The following NHLRC2 variants were observed in gnomAD, a reference collection of about 807,000 sequenced individuals.
The protein encoded by NHLRC2 is NHL repeat-containing protein 2.
NHLRC2 carries 33 observed loss-of-function variants against 68.1 expected under a neutral mutation model. The observed-to-expected ratio is 0.48, with a 90% confidence interval of 0.37 to 0.65. NHLRC2 has a LOEUF of 0.65. Among genes scored for constraint, NHLRC2 ranks in the 30% least tolerant of loss-of-function variants. NHLRC2 has a pLI of 0.00. For synonymous variants in NHLRC2, 311 were observed against 309.6 expected, an observed-to-expected ratio of 1.00 and a Z score of -0.05; for missense variants, 761 against 853.8, an observed-to-expected ratio of 0.89 and a Z score of 1.35.
rs78571661 is a variant in NHLRC2, at chr10:113,875,912, CTT to C, written c.332-595_332-594del. Among the ~76,000 whole-genome samples, 714 of 132,668 alleles carry C rather than the reference CTT, an allele frequency of 5.4e-3. 6 individuals carry two copies. The highest frequency in any genetic ancestry group is 0.018 in the African/African-American group (677 of 36,952). 87.0% of individuals were successfully genotyped at this position (132,668 alleles called of 152,430 possible). On this transcript the variant is annotated intron_variant, in intron 2 of 10. Coordinates refer to ENST00000369301, the MANE Select transcript of NHLRC2 (RefSeq NM_198514.4). ...TTTTTTCACTGAATCCAGCCAAACA[CTT>C]TTTTTTTTTTTTTGGTACTAATTTC...
intron 5 of NHLRC2, among the ~76,000 whole-genome samples, chr10:113,888,218 G>C (rs1405141903): frequency 6.6e-6 from 1 of 152,168 alleles, no homozygotes; most frequent in East Asian, 1.9e-4. Context: ...TTCAATTGGA[G>C]GAATAAGTTT....
At chr10:113,865,618 T>C (rs2134693720) in intron 2 of NHLRC2, among the ~76,000 whole-genome samples, 1 of 150,790 alleles carries the variant, frequency 6.6e-6, no homozygotes, top group African/African-American at 2.4e-5. Context: ...TTTTTTAGTT[T>C]AAGTTCTGGG....
At position 113,915,950 on chromosome 10, in the gene NHLRC2, A is replaced by G. The variant is rs1358673633; in HGVS notation, c.*7414A>G. 5.3e-5 allele frequency: 8 copies of G among 152,248 alleles called. No individual in the cohort carries two copies. Among genetic ancestry groups the G allele is most frequent in the African/African-American group, 1.9e-4 (8 of 41,440 alleles). 9.4% of individuals were successfully genotyped at this position (152,248 alleles called of 1,614,324 possible). A position where few individuals can be genotyped will look rare whatever the true frequency, so the allele number is the denominator to read the frequency against. ...TGGCCTGTTATTCCTTCTTTATCTA[A>G]TGTGTGCTAAGCTTGTGAAAAATAT... is the stretch of plus-strand genomic sequence containing the variant. On this transcript the variant is annotated 3_prime_UTR_variant, in exon 11 of 11. Transcript: ENST00000369301.
chr10:113,876,975 A>C lies in NHLRC2; in HGVS notation c.786A>C (p.Gly262=). 6.4e-7 allele frequency: 1 copy of C among 1,552,638 alleles called. No individual in the cohort carries two copies. The highest frequency in any genetic ancestry group is 8.7e-7 in the Non-Finnish European group (1 of 1,150,088). ...ATGGACAAATTCAATATAGCATTGG[A>C]GGTAAAACTTGCTTCTGATTACGAT... ...WKNGQIQYSI[G]GPNPGRKDGI... The change falls in exon 3 of 11, where the codon GGA becomes GGC. Residue 262 remains glycine (G), a splice_region_variant and synonymous_variant. Transcript: ENST00000369301.
At chr10:113,857,679 T>G (rs1845772631) in intron 1 of NHLRC2, among the ~76,000 whole-genome samples, 1 of 152,166 alleles carries the variant, frequency 6.6e-6, no homozygotes, top group Non-Finnish European at 1.5e-5. Context: ...TGTACTTTAT[T>G]ATTAGTTAAC....
chr10:113,884,717 A>T (rs945478982), intron 5 of NHLRC2, among the ~76,000 whole-genome samples: 13 of 151,480 alleles, frequency 8.6e-5, no homozygotes, highest in Non-Finnish European at 5.9e-5. Flanking sequence ...AAGGTTATTC[A>T]TGAACAGTAA....
intron 6 of NHLRC2, among the ~76,000 whole-genome samples, chr10:113,901,445 A>G (rs151198490): frequency 3.9e-5 from 6 of 152,290 alleles, no homozygotes; most frequent in Non-Finnish European, 8.8e-5. Flanking sequence ...GTGTGTATCA[A>G]AGTAAAGTAA....
intron 2 of NHLRC2, among the ~76,000 whole-genome samples, chr10:113,866,072 C>T (rs1025554554): frequency 8.5e-5 from 13 of 152,176 alleles, no homozygotes; most frequent in Non-Finnish European, 1.6e-4. Context: ...TTTATTAATT[C>T]AAAACCTTGA....
At chr10:113,864,301 A>G (rs1426920135) in intron 2 of NHLRC2, among the ~76,000 whole-genome samples, 1 of 152,188 alleles carries the variant, frequency 6.6e-6, no homozygotes, top group Non-Finnish European at 1.5e-5. Context: ...AGTTCCGGAG[A>G]TGGAGGATGG....
chr10:113,904,918 G>T lies in NHLRC2; in HGVS notation c.1806G>T (p.Arg602Ser). The change falls in exon 10 of 11, where the codon AGG becomes AGT. Residue 602 changes from arginine to serine, a missense_variant. Transcript: ENST00000369301. ...TACCTAAATCTGCTCCAAGCATTAG[G>T]CTTTCCCCCGTGACTGCGTGTGCTG... ...PKLPKSAPSI[R>S]LSPVTACAGQ... 1 of 1,607,510 alleles carries T rather than the reference G, an allele frequency of 6.2e-7. No individual in the cohort carries two copies. Among genetic ancestry groups the T allele is most frequent in the Non-Finnish European group, 8.5e-7 (1 of 1,177,758 alleles).
rs1355602912 is a variant in NHLRC2, at chr10:113,857,410, TTAGTTTG to T, written c.179-1117_179-1111del. On this transcript the variant is annotated intron_variant, in intron 1 of 10. Coordinates refer to ENST00000369301, the MANE Select transcript of NHLRC2 (RefSeq NM_198514.4). ...GAGGTCACTGTACCCTGAAACCTCA[TTAGTTTG>T]GACTAATTGGCCCAAATACTAGTTT... Among the ~76,000 whole-genome samples the T allele has an allele frequency of 2.0e-5, 3 of 152,176 alleles. No individual in the cohort carries two copies. In the South Asian group the frequency reaches 6.2e-4, roughly 31 times the overall value.
chr10:113,854,740 A>G lies in NHLRC2; in HGVS notation c.-133A>G. On this transcript the variant is annotated 5_prime_UTR_variant, in exon 1 of 11. Transcript: ENST00000369301. ...TATGCTTTAAAAAGAAAAAAGTGTC[A>G]TTGGCGTGGAGTGGGGCTAGTGGAG... 1.5e-6 allele frequency: 1 copy of G among 672,278 alleles called. No individual in the cohort carries two copies. Among genetic ancestry groups the G allele is most frequent in the African/African-American group, 1.9e-5 (1 of 53,548 alleles). The allele number at this position is 672,278 out of a possible 1,614,324, so 41.6% of individuals were successfully genotyped here. A position where few individuals can be genotyped will look rare whatever the true frequency, so the allele number is the denominator to read the frequency against.
intron 5 of NHLRC2, among the ~76,000 whole-genome samples, chr10:113,887,108 A>G (rs573638487): frequency 1.4e-4 from 21 of 152,344 alleles, no homozygotes; most frequent in African/African-American, 5.0e-4. Context: ...TATATGAGAA[A>G]ATATTCATCA....
At chr10:113,886,186 G>A (rs752647596) in intron 5 of NHLRC2, among the ~76,000 whole-genome samples, 7 of 152,014 alleles carry the variant, frequency 4.6e-5, no homozygotes, top group South Asian at 2.1e-4. Flanking sequence ...AACCAAGGAG[G>A]TGGAAAGATC....
chr10:113,877,404 G>A (rs1398647625), intron 3 of NHLRC2, among the ~76,000 whole-genome samples: 1 of 152,102 alleles, frequency 6.6e-6, no homozygotes, highest in Non-Finnish European at 1.5e-5. Flanking sequence ...AACTTGAGAT[G>A]TAGTTTATAA....
rs1424828270 is a variant in NHLRC2, at chr10:113,910,685, A to T, written c.*2149A>T. ...ATATCTGAGTTTATTTTTCAATATA[A>T]TATACAAACACAGTGTTTGTTATAC... On this transcript the variant is annotated 3_prime_UTR_variant, in exon 11 of 11. Coordinates refer to ENST00000369301, the MANE Select transcript of NHLRC2 (RefSeq NM_198514.4). 6.6e-6 allele frequency: 1 copy of T among 152,244 alleles called. No individual in the cohort carries two copies. Among genetic ancestry groups the T allele is most frequent in the African/African-American group, 2.4e-5 (1 of 41,468 alleles). The allele number at this position is 152,244 out of a possible 1,614,324, so 9.4% of individuals were successfully genotyped here.
chr10:113,859,494 A>G (rs1845795633), intron 2 of NHLRC2, among the ~76,000 whole-genome samples: 2 of 152,184 alleles, frequency 1.3e-5, no homozygotes, highest in Non-Finnish European at 2.9e-5. Flanking sequence ...TTAACTTTAA[A>G]GGGGAAGTGA....
chr10:113,907,167 T>G (rs1398820683), intron 10 of NHLRC2, among the ~76,000 whole-genome samples: 1 of 152,260 alleles, frequency 6.6e-6, no homozygotes, highest in South Asian at 2.1e-4. Flanking sequence ...CTCTCTAGAT[T>G]CTTATCTTTC....
chr10:113,879,170 T>C (rs975367758), intron 3 of NHLRC2, among the ~76,000 whole-genome samples: 1 of 152,160 alleles, frequency 6.6e-6, no homozygotes, highest in Non-Finnish European at 1.5e-5. Flanking sequence ...TGGGATTGTT[T>C]ACAACAATTT....
Sources: allele counts gnomAD v4.1 joint callset (sites outside exome capture counted in the v4.1 genomes callset), GRCh38; gene constraint gnomAD v4.1.1; transcripts MANE v1.5; gene names NCBI Gene and HGNC (gene_info 2026-07-23, HGNC 2026-07-21).